The following SUCLG2 variants were observed in gnomAD, a reference collection of about 807,000 sequenced individuals.
The protein encoded by SUCLG2 is succinate--CoA ligase [GDP-forming] subunit beta, mitochondrial.
A neutral mutation model predicts 47.9 loss-of-function variants in SUCLG2; 42 were observed. The ratio of observed to expected loss-of-function variants is 0.88; its 90% CI spans 0.69 to 1.14. The LOEUF is 1.14. SUCLG2 is among the 50% of genes most tolerant of loss of function. The pLI is 0.00. For missense variants in SUCLG2, 571 were observed against 525.9 expected (o/e 1.09, Z -0.84); for synonymous variants, 195 against 197.3 (o/e 0.99, Z 0.10).
Position 67,374,741 on chromosome 3 carries a change from T to G in SUCLG2, c.*1003A>C. ...ATCTTACAGCTTACAAAACATAATT[T>G]TATTTAAATTTGTATAGATAAAAAT... On this transcript the variant is annotated 3_prime_UTR_variant, in exon 11 of 11. Coordinates refer to ENST00000307227, the MANE Select transcript of SUCLG2 (RefSeq NM_003848.4). 4 of 900,794 alleles carry G rather than the reference T, an allele frequency of 4.4e-6. No individual in the cohort carries two copies. Among genetic ancestry groups the G allele is most frequent in the Non-Finnish European group, 5.3e-6 (4 of 753,038 alleles). The allele number at this position is 900,794 out of a possible 1,614,324, so 55.8% of individuals were successfully genotyped here.
At chr3:67,630,949 A>T (rs1191738076) in intron 1 of SUCLG2, among the ~76,000 whole-genome samples, 2 of 152,186 alleles carry the variant, frequency 1.3e-5, no homozygotes, top group East Asian at 3.9e-4. Context: ...TCTCATGCAA[A>T]ACCTAAAGTA....
chr3:67,530,867 C>A (rs76717869), intron 2 of SUCLG2, among the ~76,000 whole-genome samples: 5,073 of 152,236 alleles, frequency 0.033, 299 homozygotes, highest in African/African-American at 0.12. Context: ...TTGTCAGAAA[C>A]TCACAAGGAA....
intron 9 of SUCLG2, among the ~76,000 whole-genome samples, chr3:67,480,254 G>A (rs1221334148): frequency 6.6e-6 from 1 of 152,174 alleles, no homozygotes; most frequent in East Asian, 1.9e-4. Flanking sequence ...CACCTGGGAA[G>A]GATGCTAAAG....
rs531654386 is a variant in SUCLG2, at chr3:67,479,957, T to C, written c.1062+15841A>G. 2.0e-5 allele frequency among the ~76,000 whole-genome samples: 3 copies of C among 152,318 alleles called. 1 individual carries two copies. In the South Asian group the frequency reaches 6.2e-4, roughly 32 times the overall value. ...ATTCTCATCTGGGTAACAAAGTCACTTTAGAATGGATACAGTCCTCTGCAT... is the reference window on the plus strand; with the variant it reads ...ATTCTCATCTGGGTAACAAAGTCACCTTAGAATGGATACAGTCCTCTGCAT... On this transcript the variant is annotated intron_variant, in intron 9 of 10. Transcript: ENST00000307227.
chr3:67,597,736 G>A (rs1295937395), intron 2 of SUCLG2, among the ~76,000 whole-genome samples: 2 of 151,986 alleles, frequency 1.3e-5, no homozygotes, highest in African/African-American at 4.8e-5. Context: ...TCAGGAGTTC[G>A]AGACCAGCCT....
intron 2 of SUCLG2, among the ~76,000 whole-genome samples, chr3:67,602,583 A>C (rs1170094867): frequency 6.6e-6 from 1 of 152,180 alleles, no homozygotes; most frequent in African/African-American, 2.4e-5. Flanking sequence ...ACATTTTATA[A>C]AAGGGGGATC....
intron 1 of SUCLG2, among the ~76,000 whole-genome samples, chr3:67,636,207 A>ATTAT (rs1179588561): frequency 2.0e-5 from 3 of 152,182 alleles, no homozygotes; most frequent in Non-Finnish European, 4.4e-5. Context: ...CCAAAGAATA[A>ATTAT]GTCCAGGAGC....
Position 67,520,553 on chromosome 3 carries a change from G to T in SUCLG2, c.499C>A (p.Leu167Met). 2 of 1,614,160 alleles carry T rather than the reference G, an allele frequency of 1.2e-6. No individual in the cohort carries two copies. Among genetic ancestry groups the T allele is most frequent in the Non-Finnish European group, 1.7e-6 (2 of 1,180,010 alleles). The change falls in exon 5 of 11, where the codon CTG (leucine) becomes ATG (methionine). Residue 167 changes from leucine to methionine, a missense_variant. By Grantham distance (15) the Leu-to-Met change is conservative. Transcript: ENST00000307227. ...ACGCCCCCCTGGGGGCTGCCCACCA[G>T]CACGGGGCCATTGCAGGACCGGTCC... ...LMDRSCNGPV[L>M]VGSPQGGVDI...
chr3:67,431,918 A>C (rs1489147702), intron 9 of SUCLG2, among the ~76,000 whole-genome samples: 1 of 152,234 alleles, frequency 6.6e-6, no homozygotes, highest in African/African-American at 2.4e-5. Flanking sequence ...GTTAAATACA[A>C]ACAAATAATA....
At chr3:67,411,808 G>A (rs1036888320) in intron 9 of SUCLG2, among the ~76,000 whole-genome samples, 1 of 152,042 alleles carries the variant, frequency 6.6e-6, no homozygotes, top group Admixed American at 6.6e-5. Flanking sequence ...AGTCACTGCT[G>A]AAAAAATTCA....
chr3:67,377,214 A>G (rs1702053062), intron 10 of SUCLG2, among the ~76,000 whole-genome samples: 1 of 152,204 alleles, frequency 6.6e-6, no homozygotes, highest in African/African-American at 2.4e-5. Flanking sequence ...AGTGTCAGAG[A>G]TGGGACTTGA....
chr3:67,371,473 G>T (rs990377668), downstream of SUCLG2, among the ~76,000 whole-genome samples: 1 of 152,136 alleles, frequency 6.6e-6, no homozygotes, highest in Non-Finnish European at 1.5e-5. Flanking sequence ...CTTTTGGATG[G>T]TCATGGTTAT....
chr3:67,627,157 C>T (rs1330447415), intron 1 of SUCLG2, among the ~76,000 whole-genome samples: 3 of 151,270 alleles, frequency 2.0e-5, no homozygotes, highest in East Asian at 1.9e-4. Flanking sequence ...TAGAGGTTCT[C>T]GATATATGCT....
At position 67,515,363 on chromosome 3, in the gene SUCLG2, T is replaced by C. The variant is rs202056121; in HGVS notation, c.660+2884A>G. 2.6e-5 allele frequency among the ~76,000 whole-genome samples: 4 copies of C among 152,176 alleles called. No homozygotes were observed. In the East Asian group the frequency reaches 7.7e-4, roughly 29 times the overall value. ...CACAGATAAGGGGGAACTACTATAT[T>C]AAGCTTTCCTATGTCTTAACGTTTT... On this transcript the variant is annotated intron_variant, in intron 6 of 10. Coordinates refer to ENST00000307227, the MANE Select transcript of SUCLG2 (RefSeq NM_003848.4).
chr3:67,621,223 T>C (rs776709133), intron 1 of SUCLG2, among the ~76,000 whole-genome samples: 7 of 151,862 alleles, frequency 4.6e-5, no homozygotes, highest in African/African-American at 9.7e-5. Flanking sequence ...AACTAGACTA[T>C]AGAGAAGGGC....
At chr3:67,472,876 G>GATTACATT (rs61163281) in intron 9 of SUCLG2, among the ~76,000 whole-genome samples, 1 of 152,046 alleles carries the variant, frequency 6.6e-6, no homozygotes, top group African/African-American at 2.4e-5. Flanking sequence ...TATCTAAGAT[G>GATTACATT]ATGGTGACAG....
chr3:67,424,439 C>T (rs1703248146), intron 9 of SUCLG2, among the ~76,000 whole-genome samples: 2 of 152,126 alleles, frequency 1.3e-5, no homozygotes, highest in Non-Finnish European at 2.9e-5. Context: ...TAGGATGATG[C>T]ATTGGAACTG....
At chr3:67,630,184 TA>T (rs2107350214) in intron 1 of SUCLG2, among the ~76,000 whole-genome samples, 1 of 152,202 alleles carries the variant, frequency 6.6e-6, no homozygotes, top group South Asian at 2.1e-4. Context: ...AAAAACTCCT[TA>T]ATTACCTATC....
At chr3:67,429,653 G>C (rs780705107) in intron 9 of SUCLG2, among the ~76,000 whole-genome samples, 3 of 152,074 alleles carry the variant, frequency 2.0e-5, no homozygotes, top group Non-Finnish European at 2.9e-5. Context: ...ACACAAACTG[G>C]CAAATTGGAC....
Sources: allele counts gnomAD v4.1 joint callset (sites outside exome capture counted in the v4.1 genomes callset), GRCh38; gene constraint gnomAD v4.1.1; transcripts MANE v1.5; gene names NCBI Gene and HGNC (gene_info 2026-07-23, HGNC 2026-07-21).